Variants in PLEKHA7 observed in about 807,000 individuals in gnomAD.
The protein encoded by PLEKHA7 is pleckstrin homology domain-containing family A member 7.
Under a neutral mutation model 170.0 loss-of-function variants are expected in PLEKHA7, and 104 were observed. The observed-to-expected ratio is 0.61, with a 90% confidence interval of 0.52 to 0.72. The LOEUF (loss-of-function observed/expected upper bound fraction) is 0.72, where lower values mean the gene tolerates loss of function less well. Among genes scored for constraint, PLEKHA7 ranks in the 30% least tolerant of loss-of-function variants. The pLI, the probability that PLEKHA7 is intolerant of heterozygous loss-of-function variation, is 0.00. For synonymous variants in PLEKHA7, 648 were observed against 660.8 expected, an observed-to-expected ratio of 0.98 and a Z score of 0.30; for missense variants, 1,615 against 1,671.7, an observed-to-expected ratio of 0.97 and a Z score of 0.59.
chr11:16,879,643 A>C (rs1855565160), intron 3 of PLEKHA7, among the ~76,000 whole-genome samples: 2 of 152,190 alleles, frequency 1.3e-5, no homozygotes, highest in African/African-American at 4.8e-5. Context: ...CAGTGTCCAA[A>C]TGTGCCAAAG....
chr11:16,935,850 T>C (rs1860252740), intron 3 of PLEKHA7, among the ~76,000 whole-genome samples: 1 of 152,190 alleles, frequency 6.6e-6, no homozygotes. Context: ...CTATAACCAG[T>C]ATCTTGGCAC....
intron 9 of PLEKHA7, among the ~76,000 whole-genome samples, chr11:16,838,693 CT>C (rs869209891): frequency 0.099 from 10,666 of 107,374 alleles, 245 homozygotes; most frequent in East Asian, 0.15. Flanking sequence ...ACACAGTTTT[CT>C]TTTTTTTTTT....
intron 8 of PLEKHA7, among the ~76,000 whole-genome samples, chr11:16,845,136 G>T (rs1294554652): frequency 6.6e-6 from 1 of 152,126 alleles, no homozygotes; most frequent in Non-Finnish European, 1.5e-5. Flanking sequence ...GTAATAGCAG[G>T]GAGGAGCTAG....
At position 16,949,947 on chromosome 11, in the gene PLEKHA7, G is replaced by T. The variant is rs541477232; in HGVS notation, c.221+64042C>A. On this transcript the variant is annotated intron_variant, in intron 3 of 26. Transcript: ENST00000531066. ...GGTCAAGAAAGTCAAACTCTACAAG[G>T]GGCATGGGAATTAGGCCTGTCAACA... Among the ~76,000 whole-genome samples, 10 of 152,084 alleles carry T rather than the reference G, an allele frequency of 6.6e-5. No homozygotes were observed. In the East Asian group the frequency reaches 1.9e-3, roughly 29 times the overall value.
intron 3 of PLEKHA7, among the ~76,000 whole-genome samples, chr11:17,007,131 G>C (rs946997140): frequency 2.0e-5 from 3 of 152,204 alleles, no homozygotes; most frequent in Non-Finnish European, 2.9e-5. Context: ...TGCCCAGGGG[G>C]GCATGGATAC....
chr11:17,012,893 AT>A (rs1427497834), intron 3 of PLEKHA7, among the ~76,000 whole-genome samples: 2 of 152,138 alleles, frequency 1.3e-5, no homozygotes, highest in African/African-American at 4.8e-5. Flanking sequence ...ACCCATCAGT[AT>A]TTTCAACTAT....
intron 4 of PLEKHA7, among the ~76,000 whole-genome samples, chr11:16,863,543 C>G (rs1371706429): frequency 1.3e-5 from 2 of 152,148 alleles, no homozygotes; most frequent in Non-Finnish European, 2.9e-5. Flanking sequence ...AACCTTAGGC[C>G]CCACCTCAAC....
intron 24 of PLEKHA7, among the ~76,000 whole-genome samples, chr11:16,785,723 C>T (rs1849350060): frequency 6.6e-6 from 1 of 152,136 alleles, no homozygotes; most frequent in Non-Finnish European, 1.5e-5. Flanking sequence ...AGAATTCAGA[C>T]CAGAACTCTG....
intron 12 of PLEKHA7, chr11:16,815,431 A>C (rs779852114): frequency 2.6e-5 from 4 of 152,440 alleles, no homozygotes; most frequent in Non-Finnish European, 4.4e-5. Flanking sequence ...CAATTCTGTC[A>C]TTAGGACAAA....
intron 3 of PLEKHA7, among the ~76,000 whole-genome samples, chr11:16,992,712 C>T (rs1864117588): frequency 2.0e-5 from 3 of 150,358 alleles, no homozygotes; most frequent in East Asian, 2.0e-4. Context: ...GTTGAGATCT[C>T]GCCACTGCAC....
At chr11:16,940,437 G>A (rs1860612419) in intron 3 of PLEKHA7, among the ~76,000 whole-genome samples, 1 of 151,996 alleles carries the variant, frequency 6.6e-6, no homozygotes, top group Non-Finnish European at 1.5e-5. Flanking sequence ...ACAGGCAGGT[G>A]CCACCATGCC....
intron 13 of PLEKHA7, among the ~76,000 whole-genome samples, chr11:16,811,600 T>C (rs544901665): frequency 1.3e-5 from 2 of 152,336 alleles, no homozygotes; most frequent in African/African-American, 4.8e-5. Flanking sequence ...CATACAGCTA[T>C]GCTTGAGCAT....
At chr11:16,833,803 A>G (rs546527218) in intron 9 of PLEKHA7, among the ~76,000 whole-genome samples, 99 of 152,286 alleles carry the variant, frequency 6.5e-4, no homozygotes, top group African/African-American at 2.3e-3. Context: ...GCACTTACTA[A>G]ATGCAAAACT....
At position 16,791,129 on chromosome 11, in the gene PLEKHA7, G is replaced by C; in HGVS notation, c.2816C>G (p.Pro939Arg). 1 of 1,614,006 alleles carries C rather than the reference G, an allele frequency of 6.2e-7. No individual in the cohort carries two copies. ...GATGGTGGCCTCTCTTGGCAGAGGCGGCACAGCCGGGGGCTGGTCCTCTGG... is the reference window on the plus strand; with the variant it reads ...GATGGTGGCCTCTCTTGGCAGAGGCCGCACAGCCGGGGGCTGGTCCTCTGG... Reference protein sequence around the residue: ...YSPEDQPPAVPPLPREATIIR... With the variant: ...YSPEDQPPAVRPLPREATIIR... Residue 939 changes from proline (P) to arginine (R), a missense_variant, in exon 20 of 27, where the codon CCG becomes CGG. By Grantham distance (103) the Pro-to-Arg change is moderately radical. Coordinates refer to ENST00000531066, the MANE Select transcript of PLEKHA7 (RefSeq NM_001329630.2). This position sits in a 1 kb window ranked among gnomAD's most constrained non-coding sequence, Gnocchi z 4.5.
intron 3 of PLEKHA7, among the ~76,000 whole-genome samples, chr11:16,970,581 C>G (rs202237517): frequency 1.3e-5 from 2 of 151,984 alleles, no homozygotes; most frequent in African/African-American, 4.8e-5. Flanking sequence ...GCAGGAAGAT[C>G]GCTTGAGCCC....
rs535930513 is a variant in PLEKHA7 at position 16,940,291 on chromosome 11, T to G, written c.222-69109A>C. Among the ~76,000 whole-genome samples, 1,460 of 147,616 alleles carry G rather than the reference T, an allele frequency of 9.9e-3. 13 individuals are homozygous for G. The highest frequency in any genetic ancestry group is 0.015 in the Non-Finnish European group (1,022 of 66,444). On this transcript the variant is annotated intron_variant, in intron 3 of 26. Transcript: ENST00000531066. ...ATCTTTTCTTCTGCTGTTTTTTTTT[T>G]TTTTTTTTTTTTTGAGACAGAGTCT...
chr11:16,913,367 G>GGCA (rs1290277052), intron 3 of PLEKHA7, among the ~76,000 whole-genome samples: 1 of 152,124 alleles, frequency 6.6e-6, no homozygotes, highest in Non-Finnish European at 1.5e-5. Flanking sequence ...GCACAGCATG[G>GGCA]GCACTCTAGG....
intron 3 of PLEKHA7, among the ~76,000 whole-genome samples, chr11:16,899,214 T>C (rs1402640662): frequency 1.3e-5 from 2 of 152,202 alleles, no homozygotes; most frequent in South Asian, 2.1e-4. Context: ...CTTTTGCATA[T>C]GGCTGGGCGC....
chr11:16,979,317 C>T (rs10766364), intron 3 of PLEKHA7, among the ~76,000 whole-genome samples: 30,681 of 152,168 alleles, frequency 0.2, 4,045 homozygotes, highest in East Asian at 0.64. Context: ...CATGAGCCAC[C>T]GCATCCAGCC....
Sources: allele counts gnomAD v4.1 joint callset (sites outside exome capture counted in the v4.1 genomes callset), GRCh38; gene constraint gnomAD v4.1.1; non-coding constraint Gnocchi (gnomAD v3.1); transcripts MANE v1.5; gene names NCBI Gene and HGNC (gene_info 2026-07-23, HGNC 2026-07-21).